LYN: variants seen among roughly 807,000 people sequenced by gnomAD.
LYN encodes the protein LYN proto-oncogene, Src family tyrosine kinase.
In LYN, 12 loss-of-function variants were observed where a neutral mutation model predicts 65.0. The ratio of observed to expected loss-of-function variants is 0.18; its 90% CI spans 0.12 to 0.30. LYN has a LOEUF of 0.30. LYN is among the 10% of genes least tolerant of loss of function. The pLI, the probability that LYN is intolerant of heterozygous loss-of-function variation, is 1.00. For missense variants in LYN, 380 were observed against 623.2 expected (o/e 0.61, Z 4.16); for synonymous variants, 222 against 221.2 (o/e 1.00, Z -0.03).
chr8:55,880,673 G>A (rs1781610767), intron 1 of LYN, among the ~76,000 whole-genome samples: 1 of 152,252 alleles, frequency 6.6e-6, no homozygotes, highest in Non-Finnish European at 1.5e-5. Flanking sequence ...TGACGTCGAG[G>A]GGCTGCAGCG....
intron 1 of LYN, among the ~76,000 whole-genome samples, chr8:55,902,484 C>T (rs1056707487): frequency 2.6e-5 from 4 of 151,748 alleles, no homozygotes; most frequent in African/African-American, 7.3e-5. Flanking sequence ...CGCTCCACAA[C>T]GCCCAGCTAA....
chr8:55,912,904 C>T (rs944199081), intron 1 of LYN, among the ~76,000 whole-genome samples: 1 of 151,360 alleles, frequency 6.6e-6, no homozygotes, highest in African/African-American at 2.4e-5. Flanking sequence ...AAGTTTATTC[C>T]CCTTTACTTT....
chr8:55,934,303 G>A, intron 1 of LYN, among the ~76,000 whole-genome samples: 1 of 152,212 alleles, frequency 6.6e-6, no homozygotes, highest in East Asian at 1.9e-4. Flanking sequence ...GCTTAAGTTT[G>A]CCAACAGGGT....
intron 6 of LYN, 85 bp downstream of exon 6, chr8:55,950,869 A>C: frequency 1.0e-6 from 1 of 955,054 alleles, no homozygotes; most frequent in Non-Finnish European, 1.7e-6. Flanking sequence ...AAGGGGAAAA[A>C]AGGGCATATA....
intron 1 of LYN, chr8:55,902,854 C>CT (rs377601406): frequency 0.037 from 13,053 of 357,064 alleles, no homozygotes; most frequent in South Asian, 0.056. Context: ...TAGCATGAGG[C>CT]TTTTTTTTTT....
intron 1 of LYN, among the ~76,000 whole-genome samples, chr8:55,886,204 G>C (rs540803412): frequency 6.7e-6 from 1 of 148,692 alleles, no homozygotes; most frequent in Admixed American, 6.7e-5. Flanking sequence ...TAAATTCCTT[G>C]TTAAATTCTT....
chr8:55,914,307 G>C (rs936064263), intron 1 of LYN, among the ~76,000 whole-genome samples: 1 of 152,038 alleles, frequency 6.6e-6, no homozygotes. Flanking sequence ...TATTCTAAGG[G>C]GGCCAGTCCT....
At position 55,966,226 on chromosome 8, in the gene LYN, A is replaced by C. The variant is rs553538418; in HGVS notation, c.791-489A>C. ...CTTTTGATTTTTGAATAATTTAAAC[A>C]TTTTTTGGTAAAGAAAGAAAATTCC... On this transcript the variant is annotated intron_variant, in intron 8 of 12. Transcript: ENST00000519728. Among the ~76,000 whole-genome samples the C allele has an allele frequency of 2.0e-5, 3 of 152,226 alleles. No homozygotes were observed. In the East Asian group the frequency reaches 5.8e-4, roughly 29 times the overall value.
At position 55,916,177 on chromosome 8, in the gene LYN, A is replaced by T. The variant is rs1013540522; in HGVS notation, c.-5-25678A>T. Among the ~76,000 whole-genome samples the T allele has an allele frequency of 3.3e-5, 5 of 152,212 alleles. No individual in the cohort carries two copies. The East Asian group carries it at 9.6e-4, about 29-fold the overall frequency. On this transcript the variant is annotated intron_variant, in intron 1 of 12. Coordinates refer to ENST00000519728, the MANE Select transcript of LYN (RefSeq NM_002350.4). ...ATCTTCAGAAAAAATTTTTATTGAG[A>T]TGATCATTGGCTAAAAAAAATGGTG...
intron 1 of LYN, among the ~76,000 whole-genome samples, chr8:55,901,451 A>G (rs1979128): frequency 0.44 from 66,329 of 152,032 alleles, 15,131 homozygotes; most frequent in African/African-American, 0.55. Context: ...GCCAGGCTTT[A>G]GACTCCTTCT....
chr8:55,908,987 A>T, intron 1 of LYN, among the ~76,000 whole-genome samples: 1 of 71,788 alleles, frequency 1.4e-5, no homozygotes, highest in Admixed American at 1.5e-4. Flanking sequence ...TCCATTGTGT[A>T]TGTATATATA....
At chr8:55,988,105 C>A (rs765281574) in intron 10 of LYN, among the ~76,000 whole-genome samples, 1 of 152,188 alleles carries the variant, frequency 6.6e-6, no homozygotes, top group Non-Finnish European at 1.5e-5. Flanking sequence ...TGCATGAGCT[C>A]TCTGTTCCAT....
Position 56,013,131 on chromosome 8 carries a change from AG to A in LYN, c.*3024del, listed in dbSNP as rs1166368233. The A allele has an allele frequency of 1.3e-4, 20 of 152,446 alleles. No individual in the cohort carries two copies. Among genetic ancestry groups the A allele is most frequent in the African/African-American group, 4.8e-4 (20 of 41,596 alleles). 9.4% of individuals were successfully genotyped at this position (152,446 alleles called of 1,614,324 possible). ...GAAGCCAGCAGCCCTGGCTGTCCCAAGGGTGCATAAAAGGATAATAACTAAA... is the reference window on the plus strand; with the variant it reads ...GAAGCCAGCAGCCCTGGCTGTCCCAAGGTGCATAAAAGGATAATAACTAAA... On this transcript the variant is annotated 3_prime_UTR_variant, in exon 13 of 13. Coordinates refer to ENST00000519728, the MANE Select transcript of LYN (RefSeq NM_002350.4).
chr8:55,974,495 A>G lies in LYN; in HGVS notation c.1050+4702A>G, dbSNP rs555347007. On this transcript the variant is annotated intron_variant, in intron 10 of 12. Transcript: ENST00000519728. ...TTGAGTAGGAGGGCCTTTTAACAGCAGAGCTTTCTGAGCACACCCTCATGG... is the reference window on the plus strand; with the variant it reads ...TTGAGTAGGAGGGCCTTTTAACAGCGGAGCTTTCTGAGCACACCCTCATGG... Among the ~76,000 whole-genome samples the G allele has an allele frequency of 2.6e-5, 4 of 152,334 alleles. No homozygotes were observed. The East Asian group carries it at 5.8e-4, about 22-fold the overall frequency.
At chr8:55,945,996 G>T (rs1298306378) in intron 2 of LYN, among the ~76,000 whole-genome samples, 1 of 152,188 alleles carries the variant, frequency 6.6e-6, no homozygotes, top group African/African-American at 2.4e-5. Flanking sequence ...GCCTTCACTT[G>T]TTTCTAGGGA....
intron 10 of LYN, among the ~76,000 whole-genome samples, chr8:55,989,194 TG>T (rs34349116): frequency 6.6e-6 from 1 of 152,220 alleles, no homozygotes. Flanking sequence ...TGTGGGATGC[TG>T]GGGTTGACAG....
At chr8:55,971,612 T>C (rs1398525315) in intron 10 of LYN, among the ~76,000 whole-genome samples, 2 of 152,174 alleles carry the variant, frequency 1.3e-5, no homozygotes, top group African/African-American at 2.4e-5. Context: ...TTCTTTAGAG[T>C]AGAAGTTACA....
chr8:55,943,020 A>G (rs950154269), intron 2 of LYN, among the ~76,000 whole-genome samples: 3 of 152,176 alleles, frequency 2.0e-5, no homozygotes, highest in Non-Finnish European at 4.4e-5. Context: ...TCTGTCCCCT[A>G]ACCTTAGAGA....
Position 55,879,972 on chromosome 8 carries a change from C to A in LYN, c.-137C>A. On this transcript the variant is annotated 5_prime_UTR_variant, in exon 1 of 13. Transcript: ENST00000519728. Reference sequence around the variant, plus strand: ...CCCCGGCCCCGCGCCAGCAGCCCCTCGCCGCGCGTCCAGCGTTCCCGGCCA... The same window carrying A: ...CCCCGGCCCCGCGCCAGCAGCCCCTAGCCGCGCGTCCAGCGTTCCCGGCCA... The A allele has an allele frequency of 7.6e-6, 2 of 262,360 alleles. No individual in the cohort carries two copies. The highest frequency in any genetic ancestry group is 1.6e-5 in the Non-Finnish European group (2 of 127,302). 16.3% of individuals were successfully genotyped at this position (262,360 alleles called of 1,614,324 possible). A position where few individuals can be genotyped will look rare whatever the true frequency, so the allele number is the denominator to read the frequency against.
Sources: allele counts gnomAD v4.1 joint callset (sites outside exome capture counted in the v4.1 genomes callset), GRCh38; gene constraint gnomAD v4.1.1; transcripts MANE v1.5; gene names NCBI Gene and HGNC (gene_info 2026-07-23, HGNC 2026-07-21).